Variants in SLC2A9 observed in about 807,000 individuals in gnomAD.
The protein encoded by SLC2A9 is solute carrier family 2 member 9, also known as solute carrier family 2, facilitated glucose transporter member 9.
SLC2A9 carries 39 observed loss-of-function variants against 50.6 expected under a neutral mutation model. The ratio of observed to expected loss-of-function variants is 0.77; its 90% CI spans 0.60 to 1.01. The LOEUF (loss-of-function observed/expected upper bound fraction) is 1.01, where lower values mean the gene tolerates loss of function less well. Among genes scored for constraint, SLC2A9 ranks in the 50% least tolerant of loss-of-function variants. The pLI is 0.00. For missense variants in SLC2A9, 686 were observed against 677.6 expected, an observed-to-expected ratio of 1.01 and a Z score of -0.14; for synonymous variants, 324 against 276.9, an observed-to-expected ratio of 1.17 and a Z score of -1.69.
At chr4:9,874,944 C>T (rs113317257) in intron 10 of SLC2A9, among the ~76,000 whole-genome samples, 7,021 of 91,722 alleles carry the variant, frequency 0.077, 30 homozygotes, top group African/African-American at 0.1. Flanking sequence ...CATAGGTTAG[C>T]GTCTGTCTAA....
chr4:9,962,588 G>T (rs1752438078), intron 5 of SLC2A9, among the ~76,000 whole-genome samples: 1 of 152,060 alleles, frequency 6.6e-6, no homozygotes. Flanking sequence ...CAGGGGGAGG[G>T]ACAGTAAACA....
Position 9,839,201 on chromosome 4 carries a change from G to T in SLC2A9, c.1292-4193C>A, listed in dbSNP as rs143266526. On this transcript the variant is annotated intron_variant, in intron 10 of 11. Transcript: ENST00000264784. ...AGGACATGAACACTTTTCAAAAGAAGACATACATGTGGTTAAAAATCATAT... is the reference window on the plus strand; with the variant it reads ...AGGACATGAACACTTTTCAAAAGAATACATACATGTGGTTAAAAATCATAT... Among the ~76,000 whole-genome samples the T allele has an allele frequency of 3.4e-3, 516 of 152,202 alleles. 3 individuals are homozygous for T. Among genetic ancestry groups the T allele is most frequent in the Non-Finnish European group, 5.2e-3 (355 of 67,982 alleles).
At chr4:9,999,779 T>A (rs550071676) in intron 2 of SLC2A9, among the ~76,000 whole-genome samples, 2 of 151,972 alleles carry the variant, frequency 1.3e-5, no homozygotes, top group East Asian at 3.9e-4. Context: ...TTTCAGAGGA[T>A]CCCTCTGGCA....
At position 9,863,870 on chromosome 4, in the gene SLC2A9, AT is replaced by A. The variant is rs552546489; in HGVS notation, c.1291+23696del. On this transcript the variant is annotated intron_variant, in intron 10 of 11. Coordinates refer to ENST00000264784, the MANE Select transcript of SLC2A9 (RefSeq NM_020041.3). The stretch of plus-strand genomic sequence containing the variant: ...TGCCTCCAAGAAGTCGAGTTGATGT[AT>A]TGCTCTTTATGTAGAAACATCTATT... Among the ~76,000 whole-genome samples the A allele has an allele frequency of 4.6e-5, 7 of 152,232 alleles. No homozygotes were observed. The East Asian group carries it at 1.3e-3, about 29-fold the overall frequency.
At chr4:9,831,133 G>T (rs1416784652) in intron 11 of SLC2A9, among the ~76,000 whole-genome samples, 8 of 152,060 alleles carry the variant, frequency 5.3e-5, no homozygotes, top group Admixed American at 3.3e-4. Context: ...GAATACATTT[G>T]CCACTGATAC....
intron 2 of SLC2A9, among the ~76,000 whole-genome samples, chr4:10,007,923 C>T (rs894291719): frequency 6.6e-6 from 1 of 152,178 alleles, no homozygotes; most frequent in African/African-American, 2.4e-5. Context: ...TGTGTGAAGT[C>T]CCGAGCATGA....
rs202000076 is a variant in SLC2A9, at chr4:9,980,579, G to A, written c.681+13C>T. On this transcript the variant is annotated intron_variant, in intron 5 of 11. Coordinates refer to ENST00000264784, the MANE Select transcript of SLC2A9 (RefSeq NM_020041.3). ...ATGAGAGCAGATGCGGTTGACCAGG[G>A]AGCCACACTCACCTTTCCCAGCAGC... 9.6e-4 allele frequency: 1,550 copies of A among 1,614,032 alleles called. 2 individuals are homozygous for A. The highest frequency in any genetic ancestry group is 8.6e-4 in the Non-Finnish European group (1,012 of 1,180,008).
chr4:10,021,253 C>A (rs1763473240), intron 1 of SLC2A9, 27 bp downstream of exon 1: 1 of 1,611,024 alleles, frequency 6.2e-7, no homozygotes, highest in Non-Finnish European at 8.5e-7. Flanking sequence ...AGCCCGCCAG[C>A]CATGCAGAAA....
intron 10 of SLC2A9, among the ~76,000 whole-genome samples, chr4:9,844,357 T>G (rs1239142567): frequency 1.3e-5 from 2 of 152,140 alleles, no homozygotes; most frequent in Admixed American, 1.3e-4. Context: ...AATTGAGTAT[T>G]CTATGTAAAG....
At chr4:10,017,865 T>C (rs533205310) in intron 2 of SLC2A9, among the ~76,000 whole-genome samples, 6 of 133,832 alleles carry the variant, frequency 4.5e-5, no homozygotes, top group Admixed American at 7.2e-5. Context: ...ATGTGTCCTA[T>C]ATCCGTGTCT....
chr4:9,864,516 C>G (rs149288368), intron 10 of SLC2A9, among the ~76,000 whole-genome samples: 1 of 152,310 alleles, frequency 6.6e-6, no homozygotes, highest in African/African-American at 2.4e-5. Context: ...TGAGTTGGAA[C>G]TTTATTGTCC....
At chr4:9,953,628 TTGG>T (rs1162307200) in intron 5 of SLC2A9, among the ~76,000 whole-genome samples, 1 of 152,126 alleles carries the variant, frequency 6.6e-6, no homozygotes, top group East Asian at 1.9e-4. Context: ...TTTTTGTTTG[TTGG>T]TTGTTTTTTG....
At chr4:10,036,429 C>A (rs2109598153) in intron 1 of SLC2A9, among the ~76,000 whole-genome samples, 1 of 152,344 alleles carries the variant, frequency 6.6e-6, no homozygotes, top group Non-Finnish European at 1.5e-5. Context: ...AAAATTCAAC[C>A]AATCCATAAG....
chr4:10,018,889 G>T, intron 2 of SLC2A9, 86 bp downstream of exon 2: 1 of 1,335,780 alleles, frequency 7.5e-7, no homozygotes, highest in East Asian at 2.5e-5. Flanking sequence ...CGCAACAGGA[G>T]GGGGCGCTGG....
At chr4:9,787,039 C>A (rs1054844739) in intron 3 of SLC2A9, among the ~76,000 whole-genome samples, 3 of 152,212 alleles carry the variant, frequency 2.0e-5, no homozygotes, top group Non-Finnish European at 4.4e-5. Context: ...GGCTCCAGTG[C>A]CCTGAGTTTG....
At chr4:9,809,023 C>A (rs564839914) in intron 3 of SLC2A9, among the ~76,000 whole-genome samples, 1 of 152,266 alleles carries the variant, frequency 6.6e-6, no homozygotes, top group East Asian at 1.9e-4. Context: ...TTCTTGGAAG[C>A]CCCCTGATGC....
At chr4:9,911,663 C>A (rs746082) in intron 7 of SLC2A9, among the ~76,000 whole-genome samples, 13,185 of 152,168 alleles carry the variant, frequency 0.087, 759 homozygotes, top group East Asian at 0.21. Flanking sequence ...CCTGCGTGAC[C>A]GCAGGCAAGC....
chr4:9,988,260 G>A (rs1757086190), intron 3 of SLC2A9, among the ~76,000 whole-genome samples: 1 of 152,218 alleles, frequency 6.6e-6, no homozygotes, highest in African/African-American at 2.4e-5. Context: ...TGATGGACTG[G>A]ACAGAGGTGG....
chr4:9,905,535 C>A (rs1740503178), intron 8 of SLC2A9, among the ~76,000 whole-genome samples: 1 of 152,214 alleles, frequency 6.6e-6, no homozygotes, highest in African/African-American at 2.4e-5. Flanking sequence ...AAGGACTCTT[C>A]CTTCCCTTCC....
Sources: gnomAD v4.1 joint callset for allele counts (sites outside exome capture counted in the v4.1 genomes callset) on GRCh38, gnomAD v4.1.1 for gene constraint, MANE v1.5 for transcripts, NCBI Gene and HGNC (gene_info 2026-07-23, HGNC 2026-07-21) for gene names.